MBD5: variants seen among roughly 807,000 people sequenced by gnomAD.
MBD5 encodes methyl-CpG binding domain protein 5, also known as methyl-CpG-binding domain protein 5.
In MBD5, 13 loss-of-function variants were observed where a neutral mutation model predicts 117.3. The observed-to-expected ratio is 0.11, with a 90% CI of 0.07 to 0.18. The LOEUF is 0.18. Among genes scored for constraint, MBD5 ranks in the 10% least tolerant of loss-of-function variants. MBD5 has a pLI of 1.00. For synonymous variants in MBD5, 727 were observed against 766.4 expected, an observed-to-expected ratio of 0.95 and a Z score of 0.85; for missense variants, 1,879 against 2,093.8, an observed-to-expected ratio of 0.90 and a Z score of 2.00.
At chr2:148,490,886 A>G in intron 11 of MBD5, 2 of 418,018 alleles carry the variant, frequency 4.8e-6, no homozygotes, top group Non-Finnish European at 8.8e-6. Flanking sequence ...TTCCCTCTCT[A>G]CAGTTACCTA....
intron 3 of MBD5, among the ~76,000 whole-genome samples, chr2:148,259,719 T>C (rs557232283): frequency 3.1e-4 from 47 of 152,312 alleles, no homozygotes; most frequent in Non-Finnish European, 6.8e-4. Context: ...ATAGTGGCTT[T>C]GAGCCAAGCA....
At chr2:148,466,137 T>G (rs1156326808) in intron 7 of MBD5, among the ~76,000 whole-genome samples, 1 of 152,176 alleles carries the variant, frequency 6.6e-6, no homozygotes, top group East Asian at 1.9e-4. Flanking sequence ...TATATTATCA[T>G]AAGGTTGAGA....
intron 1 of MBD5, among the ~76,000 whole-genome samples, chr2:148,108,387 A>G (rs1441099148): frequency 6.6e-6 from 1 of 152,130 alleles, no homozygotes. Context: ...TCTTTGACAC[A>G]CTGAAAATGC....
chr2:148,268,820 T>G (rs1700917434), intron 3 of MBD5, among the ~76,000 whole-genome samples: 1 of 151,974 alleles, frequency 6.6e-6, no homozygotes, highest in Admixed American at 6.6e-5. Flanking sequence ...TATTCTCCAT[T>G]TAAACTCTAC....
intron 3 of MBD5, among the ~76,000 whole-genome samples, chr2:148,337,172 T>C (rs1702819337): frequency 6.6e-6 from 1 of 152,176 alleles, no homozygotes; most frequent in South Asian, 2.1e-4. Flanking sequence ...CCAAACTCTT[T>C]CCTGCCTAGT....
At chr2:148,267,162 A>G (rs1700878374) in intron 3 of MBD5, among the ~76,000 whole-genome samples, 1 of 152,166 alleles carries the variant, frequency 6.6e-6, no homozygotes, top group Non-Finnish European at 1.5e-5. Context: ...TTTGACATCT[A>G]TCCGTTTAAA....
chr2:148,087,821 C>G (rs190093114), intron 1 of MBD5, among the ~76,000 whole-genome samples: 3 of 152,068 alleles, frequency 2.0e-5, no homozygotes, highest in South Asian at 4.2e-4. Flanking sequence ...TGTAACACCC[C>G]CAAAGACCAC....
chr2:148,097,205 G>A (rs1160823938), intron 1 of MBD5, among the ~76,000 whole-genome samples: 1 of 152,104 alleles, frequency 6.6e-6, no homozygotes, highest in Non-Finnish European at 1.5e-5. Flanking sequence ...AAAAGTTATA[G>A]AAAAATACTA....
chr2:148,383,583 G>A lies in MBD5; in HGVS notation c.-557+41247G>A, dbSNP rs1216419903. On this transcript the variant is annotated intron_variant, in intron 4 of 13. Transcript: ENST00000642680. ...ACTATTCCAATAAATAGAAAAAAAG[G>A]GAATCCTCCCTAACTCATTTTATGA... 5.6e-4 allele frequency among the ~76,000 whole-genome samples: 85 copies of A among 152,142 alleles called. 2 individuals are homozygous for A. The highest frequency in any genetic ancestry group is 6.2e-4 in the South Asian group (3 of 4,816).
At chr2:148,025,363 A>G (rs1693863616) in intron 1 of MBD5, 1 of 152,160 alleles carries the variant, frequency 6.6e-6, no homozygotes, top group Non-Finnish European at 1.5e-5. Context: ...TTATTAAAAT[A>G]CAAATATATA....
chr2:148,319,438 G>A (rs995193156), intron 3 of MBD5, among the ~76,000 whole-genome samples: 1 of 151,976 alleles, frequency 6.6e-6, no homozygotes, highest in Non-Finnish European at 1.5e-5. Context: ...TTTCATCAGT[G>A]TTTTGTAGTT....
intron 2 of MBD5, among the ~76,000 whole-genome samples, chr2:148,202,587 T>G (rs7590758): frequency 0.021 from 3,123 of 152,284 alleles, 94 homozygotes; most frequent in African/African-American, 0.072. Flanking sequence ...AATTAAAAAT[T>G]TAGGTTTAAT....
chr2:148,420,615 ATCTGTTTTGTTT>A (rs1705571160), intron 4 of MBD5, among the ~76,000 whole-genome samples: 1 of 151,976 alleles, frequency 6.6e-6, no homozygotes, highest in African/African-American at 2.4e-5. Context: ...ACATCACATG[ATCTGTTTTGTTT>A]TCACTTTTTC....
At chr2:148,380,121 C>A (rs1381722561) in intron 4 of MBD5, among the ~76,000 whole-genome samples, 1 of 152,054 alleles carries the variant, frequency 6.6e-6, no homozygotes, top group African/African-American at 2.4e-5. Flanking sequence ...ACAAATATGA[C>A]TAGAGATAGG....
At chr2:148,423,752 TG>T (rs1223867059) in intron 4 of MBD5, among the ~76,000 whole-genome samples, 1 of 152,090 alleles carries the variant, frequency 6.6e-6, no homozygotes, top group Non-Finnish European at 1.5e-5. Flanking sequence ...AGACACAGAC[TG>T]GCAAATTGGA....
At chr2:148,347,436 C>T (rs1481303876) in intron 4 of MBD5, 1 of 151,900 alleles carries the variant, frequency 6.6e-6, no homozygotes, top group Non-Finnish European at 1.5e-5. Context: ...TTAAAATGGC[C>T]TCTATAAGAA....
intron 3 of MBD5, among the ~76,000 whole-genome samples, chr2:148,300,446 A>G (rs1174713465): frequency 6.6e-6 from 1 of 152,058 alleles, no homozygotes; most frequent in African/African-American, 2.4e-5. Context: ...TGTCTTCCCT[A>G]TCATCACTTG....
intron 8 of MBD5, among the ~76,000 whole-genome samples, chr2:148,473,176 T>G (rs1478188492): frequency 1.3e-5 from 2 of 152,200 alleles, no homozygotes; most frequent in African/African-American, 4.8e-5. Flanking sequence ...CAGTTATTTT[T>G]GCCAATATTA....
chr2:148,219,868 A>G (rs1409488272), intron 2 of MBD5: 1 of 152,230 alleles, frequency 6.6e-6, no homozygotes, highest in Non-Finnish European at 1.5e-5. Context: ...AGGATAGTCA[A>G]ATATTATCAC....
Sources: gnomAD v4.1 joint callset for allele counts (sites outside exome capture counted in the v4.1 genomes callset) on GRCh38, gnomAD v4.1.1 for gene constraint, MANE v1.5 for transcripts, NCBI Gene and HGNC (gene_info 2026-07-23, HGNC 2026-07-21) for gene names.